Variants in TCF12 observed in about 807,000 individuals in gnomAD.
TCF12 encodes transcription factor 12, also known as DNA-binding protein HTF4.
Under a neutral mutation model 86.0 loss-of-function variants are expected in TCF12, and 45 were observed. That is an observed-to-expected ratio of 0.52 (90% CI 0.41 to 0.67). The LOEUF is 0.67. TCF12 is among the 30% of genes least tolerant of loss of function. The probability of loss-of-function intolerance (pLI) is 0.00; values close to 1 mark genes in which losing one functional copy is unlikely to be tolerated. For synonymous variants in TCF12, 330 were observed against 299.6 expected, an observed-to-expected ratio of 1.10 and a Z score of -1.05; for missense variants, 881 against 859.9, an observed-to-expected ratio of 1.02 and a Z score of -0.31.
chr15:57,064,951 T>G (rs1354016278), intron 4 of TCF12, among the ~76,000 whole-genome samples: 1 of 152,134 alleles, frequency 6.6e-6, no homozygotes, highest in Non-Finnish European at 1.5e-5. Flanking sequence ...ATTGCCTTAA[T>G]GGGAGGAAAA....
chr15:56,935,234 G>T (rs541412069), intron 3 of TCF12, among the ~76,000 whole-genome samples: 2 of 152,022 alleles, frequency 1.3e-5, no homozygotes, highest in African/African-American at 4.8e-5. Flanking sequence ...TTTCCAATCT[G>T]TCTTAGTCTG....
At chr15:57,019,876 C>G (rs1003715282) in intron 3 of TCF12, among the ~76,000 whole-genome samples, 8 of 151,840 alleles carry the variant, frequency 5.3e-5, no homozygotes, top group Admixed American at 2.0e-4. Flanking sequence ...ACCTTGTGAC[C>G]TTTCATTAAT....
At chr15:57,201,373 G>A (rs548276456) in intron 8 of TCF12, among the ~76,000 whole-genome samples, 2 of 152,154 alleles carry the variant, frequency 1.3e-5, no homozygotes, top group Admixed American at 6.5e-5. Flanking sequence ...TTCAGGAAGA[G>A]TTGACATTTA....
intron 5 of TCF12, among the ~76,000 whole-genome samples, chr15:57,137,825 G>A (rs970474940): frequency 7.2e-5 from 11 of 152,076 alleles, no homozygotes; most frequent in Non-Finnish European, 4.4e-5. Flanking sequence ...TCAGGAGTTC[G>A]AAACCAGCCT....
Position 57,057,986 on chromosome 15 carries a change from G to T in TCF12, c.149-5764G>T, listed in dbSNP as rs550744955. On this transcript the variant is annotated intron_variant, in intron 3 of 20. Transcript: ENST00000333725. ...GGGAGAATACTTGGTTCTCAGGTAC[G>T]TTGGGAGGGCCCTTCCTTCTTTCTA... 2.0e-5 allele frequency among the ~76,000 whole-genome samples: 3 copies of T among 152,220 alleles called. No individual in the cohort carries two copies. In the South Asian group the frequency reaches 6.2e-4, roughly 32 times the overall value.
rs1285744902 is a variant in TCF12 at position 57,087,083 on chromosome 15, CTCCCTCTGT to C, written c.223-4705_223-4697del. On this transcript the variant is annotated intron_variant, in intron 4 of 20. Transcript: ENST00000333725. ...TCTGTCTCCCTCTCTCTCCCTCTGT[CTCCCTCTGT>C]CTCCCTCTCTCTCCCTCTCCCTCTC... Among the ~76,000 whole-genome samples the C allele has an allele frequency of 3.4e-3, 507 of 149,122 alleles. 4 individuals are homozygous for C. Among genetic ancestry groups the C allele is most frequent in the African/African-American group, 0.012 (482 of 39,462 alleles).
At chr15:57,272,409 T>C (rs1466922037) in intron 18 of TCF12, among the ~76,000 whole-genome samples, 3 of 152,226 alleles carry the variant, frequency 2.0e-5, no homozygotes, top group African/African-American at 7.2e-5. Flanking sequence ...GATGATAATT[T>C]ATCTCTAGAA....
At chr15:57,059,554 G>C (rs1596333981) in intron 3 of TCF12, among the ~76,000 whole-genome samples, 1 of 152,004 alleles carries the variant, frequency 6.6e-6, no homozygotes, top group East Asian at 1.9e-4. Flanking sequence ...TTAGTGATAG[G>C]TCTGGTAGTG....
At chr15:57,042,292 A>C (rs1017748126) in intron 3 of TCF12, among the ~76,000 whole-genome samples, 3 of 152,102 alleles carry the variant, frequency 2.0e-5, no homozygotes, top group Non-Finnish European at 4.4e-5. Context: ...GACGAAGGGA[A>C]ACAAAAGTAG....
intron 19 of TCF12, among the ~76,000 whole-genome samples, chr15:57,276,071 G>A (rs1208397252): frequency 6.6e-6 from 1 of 152,216 alleles, no homozygotes; most frequent in Non-Finnish European, 1.5e-5. Context: ...TCAAGACTCA[G>A]TGGTTAAACA....
chr15:57,233,906 A>G (rs190546297), intron 11 of TCF12, 137 bp from the exon 12 acceptor site: 1 of 672,840 alleles, frequency 1.5e-6, no homozygotes, highest in Admixed American at 2.2e-5. Flanking sequence ...AATAAGTACA[A>G]CACATGTAGA....
chr15:57,040,690 C>T (rs1223742949), intron 3 of TCF12, among the ~76,000 whole-genome samples: 1 of 152,146 alleles, frequency 6.6e-6, no homozygotes, highest in Admixed American at 6.5e-5. Context: ...GAGAATATCT[C>T]ATGATCAGAT....
chr15:57,096,290 A>G (rs1173890789), intron 5 of TCF12, among the ~76,000 whole-genome samples: 1 of 152,150 alleles, frequency 6.6e-6, no homozygotes, highest in Non-Finnish European at 1.5e-5. Context: ...TTAGCCTACG[A>G]CACCCCAAAA....
intron 8 of TCF12, among the ~76,000 whole-genome samples, chr15:57,223,643 G>GTTTTTTGTTTTTTGTTTTTTTTT (rs1456806093): frequency 8.6e-5 from 6 of 69,690 alleles, no homozygotes; most frequent in African/African-American, 2.9e-4. Context: ...TACCAATGAG[G>GTTTTTTGTTTTTTGTTTTTTTTT]TTTTTTTTTT....
Position 57,273,280 on chromosome 15 carries a change from A to G in TCF12, c.1978+18A>G. 1 of 1,611,736 alleles carries G rather than the reference A, an allele frequency of 6.2e-7. No individual in the cohort carries two copies. The highest frequency in any genetic ancestry group is 8.5e-7 in the Non-Finnish European group (1 of 1,177,996). On this transcript the variant is annotated intron_variant, in intron 19 of 20. Coordinates refer to ENST00000333725, the MANE Select transcript of TCF12 (RefSeq NM_207037.2). ...AGTCAGAGGTAAGTAGGTTCAGCCG[A>G]GATGTATAACTGTTCTGCTTCAGAT...
Position 56,919,888 on chromosome 15 carries a change from C to T in TCF12, c.-22-4C>T, listed in dbSNP as rs2059701437. The T allele has an allele frequency of 5.0e-6, 8 of 1,613,630 alleles. No homozygotes were observed. The highest frequency in any genetic ancestry group is 2.2e-5 in the South Asian group (2 of 91,030). ...TCTCGCTGAGCCCGTTTCCTCTGCC[C>T]TAGGACCTGCTAGAAGTGGCCGAAG... is the stretch of plus-strand genomic sequence containing the variant. On this transcript the variant is annotated splice_polypyrimidine_tract_variant and splice_region_variant and intron_variant, in intron 1 of 20. Coordinates refer to ENST00000333725, the MANE Select transcript of TCF12 (RefSeq NM_207037.2).
At chr15:56,921,566 T>A (rs1643582094) in intron 3 of TCF12, among the ~76,000 whole-genome samples, 1 of 152,028 alleles carries the variant, frequency 6.6e-6, no homozygotes, top group Admixed American at 6.5e-5. Context: ...TTTTAAAAAC[T>A]CATAATTTAA....
intron 3 of TCF12, among the ~76,000 whole-genome samples, chr15:57,003,088 A>G (rs1567233643): frequency 6.6e-6 from 1 of 152,192 alleles, no homozygotes; most frequent in Non-Finnish European, 1.5e-5. Flanking sequence ...TCTAACCAAC[A>G]TTTATTCATT....
At chr15:57,143,690 A>G (rs931211999) in intron 5 of TCF12, among the ~76,000 whole-genome samples, 3 of 152,234 alleles carry the variant, frequency 2.0e-5, no homozygotes, top group Non-Finnish European at 1.5e-5. Flanking sequence ...TGCATTGCCT[A>G]TACACATGAG....
Sources: gnomAD v4.1 joint callset for allele counts (sites outside exome capture counted in the v4.1 genomes callset) on GRCh38, gnomAD v4.1.1 for gene constraint, MANE v1.5 for transcripts, NCBI Gene and HGNC (gene_info 2026-07-23, HGNC 2026-07-21) for gene names.